Variants in CHCHD3 observed in about 807,000 individuals in gnomAD.
CHCHD3 encodes the protein MICOS complex subunit MIC19.
CHCHD3 carries 20 observed loss-of-function variants against 38.2 expected under a neutral mutation model. The ratio of observed to expected loss-of-function variants is 0.52; its 90% confidence interval spans 0.37 to 0.76. CHCHD3 has a LOEUF of 0.76. CHCHD3 is among the 30% of genes least tolerant of loss of function. CHCHD3 has a pLI of 0.00. For missense variants in CHCHD3, 245 were observed against 279.2 expected (o/e 0.88, Z 0.87); for synonymous variants, 82 against 100.0 (o/e 0.82, Z 1.07).
chr7:132,931,654 A>G (rs1810518033), intron 4 of CHCHD3, among the ~76,000 whole-genome samples: 1 of 152,236 alleles, frequency 6.6e-6, no homozygotes, highest in African/African-American at 2.4e-5. Flanking sequence ...CCTAAATGCT[A>G]AGTTACATCT....
chr7:133,059,166 G>A (rs1022527134), intron 2 of CHCHD3, among the ~76,000 whole-genome samples: 1 of 152,188 alleles, frequency 6.6e-6, no homozygotes, highest in Admixed American at 6.5e-5. Flanking sequence ...CAAGTGAGAA[G>A]CTGAGATCAG....
chr7:132,821,682 A>T (rs1807377677), intron 6 of CHCHD3, among the ~76,000 whole-genome samples: 1 of 150,018 alleles, frequency 6.7e-6, no homozygotes, highest in African/African-American at 2.5e-5. Flanking sequence ...GTACAAATAG[A>T]TGTATCATTA....
At chr7:132,822,121 T>C (rs1424019882) in intron 6 of CHCHD3, among the ~76,000 whole-genome samples, 2 of 152,232 alleles carry the variant, frequency 1.3e-5, no homozygotes, top group Admixed American at 6.5e-5. Flanking sequence ...TGTCGTCTGT[T>C]AGAAAAGGTG....
chr7:132,912,623 C>A (rs181146566), intron 4 of CHCHD3, among the ~76,000 whole-genome samples: 2 of 152,134 alleles, frequency 1.3e-5, no homozygotes, highest in African/African-American at 4.8e-5. Flanking sequence ...GGCATGATCT[C>A]GGCCCACTGC....
At chr7:133,061,075 C>T (rs1814496010) in intron 2 of CHCHD3, among the ~76,000 whole-genome samples, 1 of 151,922 alleles carries the variant, frequency 6.6e-6, no homozygotes, top group South Asian at 2.1e-4. Context: ...AAGACTCGAG[C>T]AGGAGATGGA....
intron 3 of CHCHD3, among the ~76,000 whole-genome samples, chr7:133,005,218 C>A (rs1278793881): frequency 1.3e-5 from 2 of 152,008 alleles, no homozygotes; most frequent in Admixed American, 6.6e-5. Context: ...ATCAAACAAA[C>A]AAAAAACAAA....
At chr7:133,078,398 G>A (rs1055985853) in intron 1 of CHCHD3, among the ~76,000 whole-genome samples, 1 of 152,174 alleles carries the variant, frequency 6.6e-6, no homozygotes, top group Non-Finnish European at 1.5e-5. Context: ...AATGATGACT[G>A]AGCCTGGTGG....
intron 5 of CHCHD3, among the ~76,000 whole-genome samples, chr7:132,870,725 C>G (rs1410197735): frequency 6.6e-6 from 1 of 152,078 alleles, no homozygotes; most frequent in African/African-American, 2.4e-5. Context: ...CACCCCAACA[C>G]AAATCAATTG....
At chr7:132,807,347 A>G (rs979140883) in intron 6 of CHCHD3, among the ~76,000 whole-genome samples, 5 of 152,120 alleles carry the variant, frequency 3.3e-5, no homozygotes, top group African/African-American at 7.2e-5. Flanking sequence ...TAAGGTAAGT[A>G]TATCTAAGGC....
intron 3 of CHCHD3, among the ~76,000 whole-genome samples, chr7:133,003,454 C>A (rs1423577252): frequency 6.6e-6 from 1 of 152,112 alleles, no homozygotes; most frequent in African/African-American, 2.4e-5. Flanking sequence ...ACAAATGCCA[C>A]AATCAAGCCT....
chr7:132,942,408 A>G (rs9690757), intron 4 of CHCHD3, among the ~76,000 whole-genome samples: 4,217 of 152,298 alleles, frequency 0.028, 187 homozygotes, highest in African/African-American at 0.096. Flanking sequence ...CACACTGAGC[A>G]TGTATCCTAC....
chr7:132,975,382 C>G, intron 3 of CHCHD3, 96 bp from the exon 4 acceptor site: 1 of 1,028,572 alleles, frequency 9.7e-7, no homozygotes, highest in Non-Finnish European at 1.4e-6. Context: ...AAACACATAG[C>G]CAAAAAGGTC....
At chr7:133,003,182 A>G (rs1366946125) in intron 3 of CHCHD3, among the ~76,000 whole-genome samples, 1 of 152,220 alleles carries the variant, frequency 6.6e-6, no homozygotes, top group Non-Finnish European at 1.5e-5. Context: ...TAAATGTTTC[A>G]GAGACAATGT....
chr7:133,050,611 G>T (rs546159480), intron 2 of CHCHD3, among the ~76,000 whole-genome samples: 5 of 152,154 alleles, frequency 3.3e-5, no homozygotes, highest in African/African-American at 1.2e-4. Flanking sequence ...TTTTATTTAT[G>T]AACATAGATA....
At chr7:132,966,842 T>A (rs1032353450) in intron 4 of CHCHD3, among the ~76,000 whole-genome samples, 5 of 152,228 alleles carry the variant, frequency 3.3e-5, no homozygotes, top group Non-Finnish European at 7.3e-5. Flanking sequence ...TGTTGCAGGT[T>A]AAAGCAAATA....
chr7:133,074,458 A>C (rs1039621564), intron 1 of CHCHD3, among the ~76,000 whole-genome samples: 4 of 152,178 alleles, frequency 2.6e-5, no homozygotes, highest in Non-Finnish European at 5.9e-5. Flanking sequence ...ATGTTGCTGA[A>C]ACCCATCTGA....
At chr7:132,896,548 T>C (rs1357031907) in intron 4 of CHCHD3, among the ~76,000 whole-genome samples, 4 of 152,210 alleles carry the variant, frequency 2.6e-5, no homozygotes, top group Non-Finnish European at 5.9e-5. Context: ...AACATCCATT[T>C]AAAACAAGAA....
intron 4 of CHCHD3, among the ~76,000 whole-genome samples, chr7:132,929,463 A>G (rs539369617): frequency 6.6e-6 from 1 of 152,170 alleles, no homozygotes; most frequent in African/African-American, 2.4e-5. Context: ...TCTTCTCTCC[A>G]CATACTATTT....
At chr7:132,984,544 C>A (rs1277063599) in intron 3 of CHCHD3, among the ~76,000 whole-genome samples, 4 of 144,982 alleles carry the variant, frequency 2.8e-5, no homozygotes, top group Admixed American at 2.7e-4. Context: ...ATGTGAGGAG[C>A]CCCTCTGCCT....
Sources: allele counts gnomAD v4.1 joint callset (sites outside exome capture counted in the v4.1 genomes callset), GRCh38; gene constraint gnomAD v4.1.1; transcripts MANE v1.5; gene names NCBI Gene and HGNC (gene_info 2026-07-23, HGNC 2026-07-21).